The following KIAA1549L variants were observed in gnomAD, a reference collection of about 807,000 sequenced individuals.
The protein encoded by KIAA1549L is KIAA1549 like.
KIAA1549L carries 88 observed loss-of-function variants against 160.7 expected under a neutral mutation model. That is an observed-to-expected ratio of 0.55 (90% CI 0.46 to 0.65). The LOEUF is 0.65. KIAA1549L is among the 30% of genes least tolerant of loss of function. The pLI, the probability that KIAA1549L is intolerant of heterozygous loss-of-function variation, is 0.00. For missense variants in KIAA1549L, 2,258 were observed against 2,437.5 expected (o/e 0.93, Z 1.55); for synonymous variants, 950 against 976.7 (o/e 0.97, Z 0.51).
intron 1 of KIAA1549L, among the ~76,000 whole-genome samples, chr11:33,534,136 G>A (rs1012923481): frequency 6.6e-6 from 1 of 151,960 alleles, no homozygotes; most frequent in African/African-American, 2.4e-5. Flanking sequence ...TCTCTGGAGT[G>A]CAGTGGTGTG....
At chr11:33,607,888 T>C (rs537958157) in intron 14 of KIAA1549L, among the ~76,000 whole-genome samples, 4 of 152,304 alleles carry the variant, frequency 2.6e-5, no homozygotes, top group African/African-American at 9.6e-5. Context: ...TTAAAAAAAA[T>C]AACTGGTTGT....
At chr11:33,589,111 G>T (rs61702927) in intron 11 of KIAA1549L, among the ~76,000 whole-genome samples, 6,595 of 152,220 alleles carry the variant, frequency 0.043, 482 homozygotes, top group African/African-American at 0.15. Context: ...GATATGAACA[G>T]ACACTTCTCA....
At chr11:33,506,159 A>T (rs1001609371) in intron 1 of KIAA1549L, among the ~76,000 whole-genome samples, 3 of 152,218 alleles carry the variant, frequency 2.0e-5, no homozygotes, top group Non-Finnish European at 2.9e-5. Flanking sequence ...CCAATGGTAG[A>T]TACCTTAGGT....
At chr11:33,638,432 AAAAAT>A (rs1269880048) in intron 16 of KIAA1549L, among the ~76,000 whole-genome samples, 3 of 19,146 alleles carry the variant, frequency 1.6e-4, no homozygotes, top group African/African-American at 1.3e-3. Flanking sequence ...TAAAAAAAAA[AAAAAT>A]AAATAAATAA....
chr11:33,567,745 A>G (rs1401640921), intron 8 of KIAA1549L, among the ~76,000 whole-genome samples: 2 of 152,208 alleles, frequency 1.3e-5, no homozygotes, highest in Non-Finnish European at 2.9e-5. Flanking sequence ...TCTGAGTTAA[A>G]TACGGCAGCA....
At chr11:33,456,678 C>T (rs1291846543) in intron 1 of KIAA1549L, among the ~76,000 whole-genome samples, 1 of 152,222 alleles carries the variant, frequency 6.6e-6, no homozygotes, top group African/African-American at 2.4e-5. Context: ...TTCCAAAGTG[C>T]TGGGACTACA....
chr11:33,638,529 T>C (rs1029083317), intron 16 of KIAA1549L, among the ~76,000 whole-genome samples: 4 of 152,080 alleles, frequency 2.6e-5, no homozygotes, highest in African/African-American at 9.7e-5. Flanking sequence ...TATAATACTA[T>C]TTGTTTATCC....
At chr11:33,615,377 G>A (rs913835739) in intron 15 of KIAA1549L, among the ~76,000 whole-genome samples, 2 of 152,098 alleles carry the variant, frequency 1.3e-5, no homozygotes, top group African/African-American at 4.8e-5. Context: ...TACCCACCCA[G>A]CAGTATTTTC....
intron 1 of KIAA1549L, among the ~76,000 whole-genome samples, chr11:33,531,644 G>C (rs371830593): frequency 5.3e-5 from 8 of 152,170 alleles, no homozygotes; most frequent in Non-Finnish European, 1.2e-4. Context: ...TCTATTTGCT[G>C]GCATCACTTC....
At chr11:33,475,050 C>T (rs527826634) in intron 1 of KIAA1549L, among the ~76,000 whole-genome samples, 9 of 152,194 alleles carry the variant, frequency 5.9e-5, no homozygotes, top group Non-Finnish European at 7.4e-5. Context: ...GTTGCTGCTG[C>T]GGAGCTGTGA....
intron 1 of KIAA1549L, among the ~76,000 whole-genome samples, chr11:33,486,159 C>T (rs1178147872): frequency 6.6e-6 from 1 of 152,064 alleles, no homozygotes; most frequent in Non-Finnish European, 1.5e-5. Context: ...TCACCCTATA[C>T]ATGTTAGGAT....
At chr11:33,461,223 T>C (rs1851935877) in intron 1 of KIAA1549L, among the ~76,000 whole-genome samples, 1 of 152,154 alleles carries the variant, frequency 6.6e-6, no homozygotes, top group African/African-American at 2.4e-5. Context: ...AAAAATGATA[T>C]TTAAGTGCAA....
intron 17 of KIAA1549L, among the ~76,000 whole-genome samples, chr11:33,646,897 T>C (rs1442969779): frequency 6.6e-6 from 1 of 152,004 alleles, no homozygotes; most frequent in Non-Finnish European, 1.5e-5. Context: ...TAAACATCAT[T>C]ATTTTTAGAG....
At chr11:33,447,809 G>A (rs2132963924) in intron 1 of KIAA1549L, among the ~76,000 whole-genome samples, 1 of 152,224 alleles carries the variant, frequency 6.6e-6, no homozygotes, top group East Asian at 1.9e-4. Context: ...CTAGACTAAT[G>A]CTTGGCACAT....
chr11:33,596,054 C>T (rs1444889880), intron 12 of KIAA1549L, among the ~76,000 whole-genome samples: 3 of 152,068 alleles, frequency 2.0e-5, no homozygotes, highest in South Asian at 2.1e-4. Context: ...AGTGATTGGC[C>T]GTGATTCGTG....
At chr11:33,610,681 CGA>C (rs1850625529) in intron 15 of KIAA1549L, among the ~76,000 whole-genome samples, 1 of 152,196 alleles carries the variant, frequency 6.6e-6, no homozygotes, top group Non-Finnish European at 1.5e-5. Flanking sequence ...GGTGCTGTAA[CGA>C]TCTAAAAGGG....
chr11:33,382,536 G>A (rs1850092647), intron 1 of KIAA1549L, among the ~76,000 whole-genome samples: 1 of 152,126 alleles, frequency 6.6e-6, no homozygotes, highest in Admixed American at 6.5e-5. Context: ...GGTGGGCCAA[G>A]GGAGGGTTAA....
At chr11:33,385,886 A>G (rs936785056) in intron 1 of KIAA1549L, among the ~76,000 whole-genome samples, 2 of 152,138 alleles carry the variant, frequency 1.3e-5, no homozygotes, top group Non-Finnish European at 2.9e-5. Context: ...GCATATAGTA[A>G]TAGAAAAATT....
intron 1 of KIAA1549L, among the ~76,000 whole-genome samples, chr11:33,431,715 C>T (rs1851248154): frequency 1.3e-5 from 2 of 152,408 alleles, no homozygotes; most frequent in South Asian, 2.1e-4. Flanking sequence ...GCAGGTGGAG[C>T]TGCCTGCCAG....
Sources: allele counts gnomAD v4.1 joint callset (sites outside exome capture counted in the v4.1 genomes callset), GRCh38; gene constraint gnomAD v4.1.1; transcripts MANE v1.5; gene names NCBI Gene and HGNC (gene_info 2026-07-23, HGNC 2026-07-21).